The following NT5C3B variants were observed in gnomAD, a reference collection of about 807,000 sequenced individuals.
The protein encoded by NT5C3B is 7-methylguanosine phosphate-specific 5'-nucleotidase.
A neutral mutation model predicts 32.5 loss-of-function variants in NT5C3B; 28 were observed. The observed-to-expected ratio is 0.86, with a 90% CI of 0.64 to 1.18. NT5C3B has a LOEUF of 1.18. NT5C3B is among the 50% of genes most tolerant of loss of function. The pLI, the probability that NT5C3B is intolerant of heterozygous loss-of-function variation, is 0.00. For missense variants in NT5C3B, 317 were observed against 322.0 expected (o/e 0.98, Z 0.12); for synonymous variants, 138 against 118.0 (o/e 1.17, Z -1.10).
Position 41,835,894 on chromosome 17 carries a change from C to G in NT5C3B, c.76G>C (p.Gly26Arg), listed in dbSNP as rs782077622. The change falls in exon 2 of 9, where the codon GGC (glycine) becomes CGC (arginine). Residue 26 changes from glycine to arginine, a missense_variant. Physicochemically the swap from Gly to Arg is moderately radical, Grantham distance 125 (BLOSUM62 -2). Coordinates refer to ENST00000435506, the MANE Select transcript of NT5C3B (RefSeq NM_052935.5). ...TCTCCGCCGCCCTTGCGGAGGGCGC[C>G]CACGATCTCCTGCACCCGCCCAGGC... ...RQPGRVQEIV[G>R]ALRKGGGDRL... The G allele has an allele frequency of 6.2e-7, 1 of 1,609,180 alleles. No individual in the cohort carries two copies. The highest frequency in any genetic ancestry group is 1.7e-4 in the Middle Eastern group (1 of 5,936).
intron 6 of NT5C3B, among the ~76,000 whole-genome samples, chr17:41,830,307 G>A (rs1238248639): frequency 6.6e-6 from 1 of 152,204 alleles, no homozygotes; most frequent in African/African-American, 2.4e-5. Context: ...TCAAGAGATT[G>A]AGACCATCTG....
intron 6 of NT5C3B, among the ~76,000 whole-genome samples, chr17:41,829,788 G>T (rs2048022789): frequency 6.6e-6 from 1 of 152,092 alleles, no homozygotes; most frequent in Admixed American, 6.5e-5. Flanking sequence ...TGAATACCCT[G>T]TGCATGTCTT....
chr17:41,826,527 C>T (rs909615371), intron 8 of NT5C3B, among the ~76,000 whole-genome samples: 26 of 151,924 alleles, frequency 1.7e-4, no homozygotes, highest in Non-Finnish European at 2.8e-4. Flanking sequence ...CTGACCACGA[C>T]CCATTTTTTT....
At chr17:41,834,393 T>TACACACACACACACAC (rs56965181) in intron 4 of NT5C3B, among the ~76,000 whole-genome samples, 3 of 139,714 alleles carry the variant, frequency 2.1e-5, no homozygotes, top group Admixed American at 7.5e-5. Context: ...AAAAAAAAAA[T>TACACACACACACACAC]ACACACACAC....
chr17:41,833,052 C>T (rs543281214), intron 4 of NT5C3B, among the ~76,000 whole-genome samples: 2 of 152,276 alleles, frequency 1.3e-5, no homozygotes, highest in African/African-American at 4.8e-5. Flanking sequence ...GCACCTGGAT[C>T]CACAGAGCTG....
At chr17:41,827,686 C>A in intron 7 of NT5C3B, 60 bp from the exon 8 acceptor site, 1 of 766,138 alleles carries the variant, frequency 1.3e-6, no homozygotes, top group Admixed American at 1.8e-5. Flanking sequence ...GGCACCAGCT[C>A]TCCACTGTCT....
Position 41,827,406 on chromosome 17 carries a change from A to G in NT5C3B, c.768+20T>C, listed in dbSNP as rs782006651. Reference sequence around the variant, plus strand: ...AGAGAAGAAAGACATGAAGAGAAGCAGCCCTGGTCCTCTACCCACCTTGTC... The same window carrying G: ...AGAGAAGAAAGACATGAAGAGAAGCGGCCCTGGTCCTCTACCCACCTTGTC... On this transcript the variant is annotated intron_variant, in intron 8 of 8. Coordinates refer to ENST00000435506, the MANE Select transcript of NT5C3B (RefSeq NM_052935.5). 2.4e-5 allele frequency: 21 copies of G among 869,610 alleles called. No individual in the cohort carries two copies. The South Asian group carries it at 2.6e-4, about 11-fold the overall frequency. The allele number at this position is 869,610 out of a possible 1,614,324, so 53.9% of individuals were successfully genotyped here. A position where few individuals can be genotyped will look rare whatever the true frequency, so the allele number is the denominator to read the frequency against.
chr17:41,826,866 G>C (rs2144086508), intron 8 of NT5C3B, among the ~76,000 whole-genome samples: 1 of 151,870 alleles, frequency 6.6e-6, no homozygotes, highest in South Asian at 2.1e-4. Context: ...CAGGTGTGGT[G>C]GCACATGCCT....
chr17:41,834,323 G>C (rs1456018230), intron 4 of NT5C3B, among the ~76,000 whole-genome samples: 4 of 151,390 alleles, frequency 2.6e-5, no homozygotes, highest in Non-Finnish European at 5.9e-5. Context: ...TTGAACCGAG[G>C]TTGCAGTGAG....
chr17:41,825,733 G>A, intron 8 of NT5C3B, 76 bp from the exon 9 acceptor site: 1 of 848,326 alleles, frequency 1.2e-6, no homozygotes, highest in Non-Finnish European at 2.0e-6. Context: ...AAAGCCCCTG[G>A]GGCTGGGGAG....
intron 4 of NT5C3B, among the ~76,000 whole-genome samples, chr17:41,834,550 C>A (rs797030777): frequency 3.9e-5 from 6 of 152,080 alleles, no homozygotes; most frequent in African/African-American, 1.4e-4. Context: ...AGTTCAAGAC[C>A]AACCTAGGCA....
At chr17:41,835,298 C>T in intron 2 of NT5C3B, 26 bp from the exon 3 acceptor site, 1 of 1,598,978 alleles carries the variant, frequency 6.3e-7, no homozygotes, top group Non-Finnish European at 8.6e-7. Context: ...GAGATGATGC[C>T]TAAATAGGCA....
chr17:41,832,403 A>T lies in NT5C3B; in HGVS notation c.303T>A (p.His101Gln). Residue 101 changes from histidine to glutamine, a missense_variant, in exon 5 of 9, where the codon CAT becomes CAA. Transcript: ENST00000435506. ...PHRTVKEKLPHMVEWWTKAHN... is the reference protein window; with the variant it reads ...PHRTVKEKLPQMVEWWTKAHN... ...CCACCATCACTCACCATTCCACCAT[A>T]TGAGGTAGCTTCTCCTTGACGGTCC... 2 of 1,613,248 alleles carry T rather than the reference A, an allele frequency of 1.2e-6. No individual in the cohort carries two copies. The highest frequency in any genetic ancestry group is 1.7e-6 in the Non-Finnish European group (2 of 1,179,456).
intron 4 of NT5C3B, among the ~76,000 whole-genome samples, chr17:41,834,133 T>C (rs1185840933): frequency 3.3e-5 from 5 of 152,128 alleles, no homozygotes; most frequent in Non-Finnish European, 7.3e-5. Context: ...AGATGGCTCA[T>C]GCCTGTAATC....
At chr17:41,832,006 C>T (rs558119351) in intron 5 of NT5C3B, among the ~76,000 whole-genome samples, 4 of 152,124 alleles carry the variant, frequency 2.6e-5, no homozygotes, top group East Asian at 3.9e-4. Flanking sequence ...CAGGGAGCCA[C>T]GATCATGCCA....
intron 5 of NT5C3B, 64 bp from the exon 6 acceptor site, chr17:41,830,954 C>G: frequency 1.9e-6 from 2 of 1,056,318 alleles, no homozygotes; most frequent in Non-Finnish European, 2.9e-6. Flanking sequence ...TCACCCTTTC[C>G]CTTTACAGAG....
chr17:41,836,058 C>T (rs1555619961), intron 1 of NT5C3B, 101 bp from the exon 2 acceptor site: 3 of 1,396,000 alleles, frequency 2.1e-6, no homozygotes, highest in Non-Finnish European at 9.3e-7. Context: ...GGCCGGGGTG[C>T]GCGAGGGGGC....
chr17:41,825,739 G>A, intron 8 of NT5C3B, 82 bp from the exon 9 acceptor site: 1 of 841,748 alleles, frequency 1.2e-6, no homozygotes, highest in Non-Finnish European at 2.1e-6. Context: ...CCTGGGGCTG[G>A]GGAGGAGAGC....
At chr17:41,832,364 G>A in intron 5 of NT5C3B, 28 bp downstream of exon 5, 1 of 1,603,440 alleles carries the variant, frequency 6.2e-7, no homozygotes, top group South Asian at 1.1e-5. Flanking sequence ...CAAGGGCCCA[G>A]AAGCTTTTCT....
Sources: gnomAD v4.1 joint callset for allele counts (sites outside exome capture counted in the v4.1 genomes callset) on GRCh38, gnomAD v4.1.1 for gene constraint, MANE v1.5 for transcripts, NCBI Gene and HGNC (gene_info 2026-07-23, HGNC 2026-07-21) for gene names.